FSTL4: variants seen among roughly 807,000 people sequenced by gnomAD.
FSTL4 encodes follistatin like 4.
Under a neutral mutation model 78.2 loss-of-function variants are expected in FSTL4, and 28 were observed. That is an observed-to-expected ratio of 0.36 (90% CI 0.27 to 0.49). The LOEUF (loss-of-function observed/expected upper bound fraction) is 0.49. Among genes scored for constraint, FSTL4 ranks in the 20% least tolerant of loss-of-function variants. FSTL4 has a pLI of 0.98. For synonymous variants in FSTL4, 422 were observed against 440.5 expected (o/e 0.96, Z 0.53); for missense variants, 922 against 1,084.9 (o/e 0.85, Z 2.11).
chr5:133,294,374 C>T (rs1226906170), intron 6 of FSTL4, among the ~76,000 whole-genome samples: 1 of 152,170 alleles, frequency 6.6e-6, no homozygotes, highest in African/African-American at 2.4e-5. Context: ...CTCCGTTCCT[C>T]TTCTGTAAAA....
chr5:133,400,262 C>T (rs1489579752), intron 4 of FSTL4, among the ~76,000 whole-genome samples: 4 of 152,198 alleles, frequency 2.6e-5, no homozygotes, highest in Non-Finnish European at 5.9e-5. Context: ...CATGGGATGC[C>T]TTCCCATCAA....
At chr5:133,570,998 T>C (rs1760142616) in intron 2 of FSTL4, among the ~76,000 whole-genome samples, 1 of 151,768 alleles carries the variant, frequency 6.6e-6, no homozygotes, top group African/African-American at 2.4e-5. Context: ...CAGAAAGAAG[T>C]GAGCTCAACA....
the FSTL4 span, among the ~76,000 whole-genome samples, chr5:133,731,294 G>GA: frequency 6.6e-6 from 1 of 151,532 alleles, no homozygotes. Context: ...GACAGGGATG[G>GA]AAAAAAAGCA....
At chr5:133,592,354 G>A (rs1170042414) in intron 2 of FSTL4, among the ~76,000 whole-genome samples, 1 of 152,160 alleles carries the variant, frequency 6.6e-6, no homozygotes, top group African/African-American at 2.4e-5. Context: ...AGAATTTCTT[G>A]TACAGTGCAG....
intron 12 of FSTL4, among the ~76,000 whole-genome samples, chr5:133,219,478 ATCTG>A (rs1301047014): frequency 6.6e-6 from 1 of 152,214 alleles, no homozygotes; most frequent in Non-Finnish European, 1.5e-5. Context: ...CTATGCCTTT[ATCTG>A]TGACATCACG....
chr5:133,210,649 G>T (rs550358517), intron 13 of FSTL4, among the ~76,000 whole-genome samples: 11 of 151,802 alleles, frequency 7.2e-5, no homozygotes, highest in Admixed American at 4.6e-4. Flanking sequence ...TACACACCAC[G>T]CCCTGCTAAC....
the FSTL4 span, among the ~76,000 whole-genome samples, chr5:133,741,117 C>A: frequency 1.3e-5 from 2 of 152,322 alleles, no homozygotes; most frequent in South Asian, 4.1e-4. Flanking sequence ...GAATAGAAGA[C>A]ACCCCCACCA....
At chr5:133,812,755 A>G in the FSTL4 span, among the ~76,000 whole-genome samples, 102 of 152,342 alleles carry the variant, frequency 6.7e-4, 1 homozygote, top group East Asian at 0.012. Flanking sequence ...CCTCCACTAC[A>G]GAATGTAAGC....
At chr5:133,237,020 T>C (rs1427683629) in intron 7 of FSTL4, among the ~76,000 whole-genome samples, 4 of 152,328 alleles carry the variant, frequency 2.6e-5, no homozygotes, top group African/African-American at 9.6e-5. Context: ...TCGAGGGGAC[T>C]GTACAGGGCA....
chr5:133,686,158 G>T, the FSTL4 span, among the ~76,000 whole-genome samples: 2 of 152,162 alleles, frequency 1.3e-5, no homozygotes, highest in Non-Finnish European at 2.9e-5. Context: ...TCATCCCTCT[G>T]GCCCTTACTG....
At chr5:133,566,055 T>C (rs769770844) in intron 3 of FSTL4, among the ~76,000 whole-genome samples, 9 of 152,208 alleles carry the variant, frequency 5.9e-5, no homozygotes, top group Non-Finnish European at 1.3e-4. Context: ...GCTTTACATA[T>C]TGTCCTATAG....
chr5:133,820,557 T>C, the FSTL4 span, among the ~76,000 whole-genome samples: 1 of 152,238 alleles, frequency 6.6e-6, no homozygotes, highest in African/African-American at 2.4e-5. Context: ...TTCAATTTCA[T>C]GTCTGTGATT....
chr5:133,758,477 C>T, the FSTL4 span, among the ~76,000 whole-genome samples: 1 of 151,966 alleles, frequency 6.6e-6, no homozygotes, highest in Non-Finnish European at 1.5e-5. Context: ...TGTTCCTGGC[C>T]AAGAAGAACC....
intron 6 of FSTL4, among the ~76,000 whole-genome samples, chr5:133,303,604 C>T (rs893227724): frequency 3.9e-5 from 6 of 152,220 alleles, no homozygotes; most frequent in African/African-American, 1.4e-4. Context: ...ATCCCCACCA[C>T]TCCCTAACCC....
intron 3 of FSTL4, among the ~76,000 whole-genome samples, chr5:133,550,967 C>A (rs1201042528): frequency 6.6e-6 from 1 of 152,182 alleles, no homozygotes; most frequent in Non-Finnish European, 1.5e-5. Context: ...CTTACGATGC[C>A]TGCCCCAAGC....
chr5:133,312,612 A>G lies in FSTL4; in HGVS notation c.727+42T>C, dbSNP rs376257195. On this transcript the variant is annotated intron_variant, in intron 6 of 15. Coordinates refer to ENST00000265342, the MANE Select transcript of FSTL4 (RefSeq NM_015082.2). Reference sequence around the variant, plus strand: ...CCCAACAGCATTTTGGTGCAGAAGCACCTGCAGAAATAAGCCCTTTTCCCA... The same window carrying G: ...CCCAACAGCATTTTGGTGCAGAAGCGCCTGCAGAAATAAGCCCTTTTCCCA... The G allele has an allele frequency of 6.2e-6, 10 of 1,602,684 alleles. No individual in the cohort carries two copies. In the African/African-American group the frequency reaches 6.7e-5, roughly 11 times the overall value.
intron 6 of FSTL4, among the ~76,000 whole-genome samples, chr5:133,288,325 G>A (rs1174768703): frequency 1.3e-5 from 2 of 152,128 alleles, no homozygotes; most frequent in Admixed American, 6.5e-5. Context: ...CCTCTGTCCC[G>A]GGGGTCCCCC....
At chr5:133,277,068 T>C (rs1204670391) in intron 6 of FSTL4, among the ~76,000 whole-genome samples, 3 of 152,140 alleles carry the variant, frequency 2.0e-5, no homozygotes, top group African/African-American at 7.2e-5. Context: ...TTCCAGCACT[T>C]TGGGAGGCCA....
At chr5:133,267,103 C>T (rs540135605) in intron 6 of FSTL4, among the ~76,000 whole-genome samples, 23 of 152,226 alleles carry the variant, frequency 1.5e-4, no homozygotes, top group African/African-American at 5.1e-4. Context: ...CCACTTTTCC[C>T]GGGAGGAGGA....
Sources: gnomAD v4.1 joint callset for allele counts (sites outside exome capture counted in the v4.1 genomes callset) on GRCh38, gnomAD v4.1.1 for gene constraint, MANE v1.5 for transcripts, NCBI Gene and HGNC (gene_info 2026-07-23, HGNC 2026-07-21) for gene names.